The following HTR1E variants were observed in gnomAD, a reference collection of about 807,000 sequenced individuals.
The protein encoded by HTR1E is 5-HT-1E.
Under a neutral mutation model 3.4 loss-of-function variants are expected in HTR1E, and 3 were observed. The ratio of observed to expected loss-of-function variants is 0.89; its 90% CI spans 0.41 to 2.31. HTR1E has a LOEUF of 2.31. Among genes scored for constraint, HTR1E ranks in the 30% most tolerant of loss-of-function variants. The pLI is 0.05. For synonymous variants in HTR1E, 170 were observed against 182.8 expected, an observed-to-expected ratio of 0.93 and a Z score of 0.56; for missense variants, 392 against 467.0, an observed-to-expected ratio of 0.84 and a Z score of 1.48.
intron 1 of HTR1E, among the ~76,000 whole-genome samples, chr6:86,994,999 G>T (rs1767916040): frequency 6.6e-6 from 1 of 152,020 alleles, no homozygotes; most frequent in Admixed American, 6.5e-5. Context: ...AACACTAAAA[G>T]TAAATTATGA....
At chr6:87,013,140 C>A (rs1291799329) in intron 1 of HTR1E, among the ~76,000 whole-genome samples, 1 of 152,186 alleles carries the variant, frequency 6.6e-6, no homozygotes, top group Admixed American at 6.5e-5. Flanking sequence ...GAAAGAGATT[C>A]TTGTCCCTCT....
chr6:87,004,987 C>A (rs1768080340), intron 1 of HTR1E, among the ~76,000 whole-genome samples: 1 of 151,982 alleles, frequency 6.6e-6, no homozygotes, highest in South Asian at 2.1e-4. Flanking sequence ...ATTCTATTAA[C>A]AATTGCTACA....
intron 1 of HTR1E, among the ~76,000 whole-genome samples, chr6:86,989,404 A>C (rs1396299840): frequency 6.6e-6 from 1 of 152,224 alleles, no homozygotes; most frequent in African/African-American, 2.4e-5. Context: ...ATGATAAAAA[A>C]AATGATGAGC....
At chr6:86,956,371 C>A (rs1396915762) in intron 1 of HTR1E, among the ~76,000 whole-genome samples, 1 of 152,122 alleles carries the variant, frequency 6.6e-6, no homozygotes, top group African/African-American at 2.4e-5. Context: ...ATAATAAGAA[C>A]CCTGGTCTCC....
chr6:86,989,701 C>T (rs1767845813), intron 1 of HTR1E, among the ~76,000 whole-genome samples: 1 of 152,092 alleles, frequency 6.6e-6, no homozygotes, highest in South Asian at 2.1e-4. Context: ...AGGATGTTAG[C>T]CCCAAAAGAT....
At chr6:86,966,382 T>C (rs1389130040) in intron 1 of HTR1E, among the ~76,000 whole-genome samples, 2 of 152,210 alleles carry the variant, frequency 1.3e-5, no homozygotes, top group Non-Finnish European at 2.9e-5. Flanking sequence ...ATTAGCATCA[T>C]CCAATGACTG....
Position 86,941,570 on chromosome 6 carries a change from C to T in HTR1E, c.-186+3747C>T, listed in dbSNP as rs181303035. 4.6e-5 allele frequency among the ~76,000 whole-genome samples: 7 copies of T among 152,290 alleles called. No individual in the cohort carries two copies. In the East Asian group the frequency reaches 9.6e-4, roughly 21 times the overall value. ...ACATGCAGTTGTAGGATTAGGAAGA[C>T]AAAATCCTTTAGAAGAAGCTATGAA... On this transcript the variant is annotated intron_variant, in intron 1 of 1. Transcript: ENST00000305344.
intron 1 of HTR1E, among the ~76,000 whole-genome samples, chr6:86,949,446 G>A (rs1767189677): frequency 6.6e-6 from 1 of 152,170 alleles, no homozygotes; most frequent in Non-Finnish European, 1.5e-5. Flanking sequence ...AGATTTAGCA[G>A]CCAAGCTAAA....
chr6:86,994,126 G>A (rs1767905704), intron 1 of HTR1E, among the ~76,000 whole-genome samples: 1 of 152,114 alleles, frequency 6.6e-6, no homozygotes, highest in African/African-American at 2.4e-5. Flanking sequence ...AATCAACAGA[G>A]TATTGGGGAC....
In HTR1E at chr6:87,015,773, T is replaced by C; in HGVS notation, c.439T>C (p.Trp147Arg). 6.2e-7 allele frequency: 1 copy of C among 1,610,828 alleles called. No homozygotes were observed. The highest frequency in any genetic ancestry group is 2.2e-5 in the East Asian group (1 of 44,832). The change falls in exon 2 of 2, where the codon TGG becomes CGG. Residue 147 changes from tryptophan to arginine, a missense_variant. By Grantham distance (101) the Trp-to-Arg change is moderately radical. Around this residue, in one of 3 missense-constraint regions of HTR1E, gnomAD observed 189 missense variants for 258.0 expected, o/e 0.73. Transcript: ENST00000305344. ...KRAALMILTV[W>R]TISIFISMPP... ...GGCCGCGCTGATGATCCTTACCGTC[T>C]GGACCATCTCCATTTTCATCTCCAT...
chr6:87,006,407 T>C (rs1379268687), intron 1 of HTR1E, among the ~76,000 whole-genome samples: 1 of 152,126 alleles, frequency 6.6e-6, no homozygotes, highest in African/African-American at 2.4e-5. Flanking sequence ...ACAGTGATTA[T>C]TAAAAAGTCA....
At chr6:87,010,256 G>T (rs1266231046) in intron 1 of HTR1E, among the ~76,000 whole-genome samples, 1 of 117,480 alleles carries the variant, frequency 8.5e-6, no homozygotes, top group Non-Finnish European at 1.7e-5. Context: ...TCTCAGTAGG[G>T]GCGGCCGGGC....
chr6:86,968,179 A>T (rs1490746282), intron 1 of HTR1E, among the ~76,000 whole-genome samples: 1 of 152,232 alleles, frequency 6.6e-6, no homozygotes, highest in Non-Finnish European at 1.5e-5. Context: ...ATATAAGTGT[A>T]CCACAATTTA....
At chr6:86,968,039 G>T (rs1363464782) in intron 1 of HTR1E, among the ~76,000 whole-genome samples, 1 of 152,146 alleles carries the variant, frequency 6.6e-6, no homozygotes, top group Admixed American at 6.6e-5. Flanking sequence ...GATAATAAAT[G>T]AGTTTACTAA....
At chr6:86,980,002 G>A (rs750380809) in intron 1 of HTR1E, among the ~76,000 whole-genome samples, 5 of 152,152 alleles carry the variant, frequency 3.3e-5, no homozygotes, top group Non-Finnish European at 5.9e-5. Context: ...TAATCTGACC[G>A]CCTGCCAAAG....
intron 1 of HTR1E, among the ~76,000 whole-genome samples, chr6:87,000,924 TAAC>T (rs1562071614): frequency 6.6e-6 from 1 of 152,162 alleles, no homozygotes; most frequent in Non-Finnish European, 1.5e-5. Context: ...TCAGAAATAA[TAAC>T]TACAACAACT....
At chr6:87,012,992 T>C (rs1768260487) in intron 1 of HTR1E, among the ~76,000 whole-genome samples, 1 of 152,214 alleles carries the variant, frequency 6.6e-6, no homozygotes, top group Admixed American at 6.5e-5. Context: ...ACTTATGAAG[T>C]GAAATGTCAG....
chr6:86,959,377 G>C (rs1462402874), intron 1 of HTR1E, among the ~76,000 whole-genome samples: 1 of 152,046 alleles, frequency 6.6e-6, no homozygotes, highest in Non-Finnish European at 1.5e-5. Flanking sequence ...CTCAGAGTTC[G>C]AGACCAGCCT....
intron 1 of HTR1E, among the ~76,000 whole-genome samples, chr6:86,979,409 T>C (rs565047130): frequency 3.3e-5 from 5 of 152,270 alleles, no homozygotes; most frequent in African/African-American, 1.2e-4. Context: ...GAAGGCCAAA[T>C]AGTAACTATA....
Sources: gnomAD v4.1 joint callset for allele counts (sites outside exome capture counted in the v4.1 genomes callset) on GRCh38, gnomAD v4.1.1 for gene constraint, gnomAD v4.1.1 regional missense constraint, MANE v1.5 for transcripts, NCBI Gene and HGNC (gene_info 2026-07-23, HGNC 2026-07-21) for gene names.